PPP1R7: variants seen among roughly 807,000 people sequenced by gnomAD.
The protein encoded by PPP1R7 is protein phosphatase 1 regulatory subunit 22.
Under a neutral mutation model 45.2 loss-of-function variants are expected in PPP1R7, and 18 were observed. The ratio of observed to expected loss-of-function variants is 0.40; its 90% CI spans 0.28 to 0.59. PPP1R7 has a LOEUF of 0.59. Among genes scored for constraint, PPP1R7 ranks in the 20% least tolerant of loss-of-function variants. The pLI is 0.46. For missense variants in PPP1R7, 314 were observed against 455.8 expected (o/e 0.69, Z 2.83); for synonymous variants, 181 against 183.4 (o/e 0.99, Z 0.11).
At chr2:241,155,284 A>G (rs2125481837) in intron 2 of PPP1R7, 1 of 152,324 alleles carries the variant, frequency 6.6e-6, no homozygotes, top group South Asian at 2.1e-4. Context: ...CCAGTGTGGT[A>G]ATGTGTTATA....
chr2:241,173,428 A>G (rs2067853599), intron 9 of PPP1R7, among the ~76,000 whole-genome samples: 1 of 152,156 alleles, frequency 6.6e-6, no homozygotes, highest in Admixed American at 6.5e-5. Flanking sequence ...ATTATTTCTA[A>G]TAAGAAGCCA....
In PPP1R7 at chr2:241,160,489, A is replaced by C; in HGVS notation, c.592A>C (p.Ile198Leu). ...LQMLELGSNR[I>L]RAIENIDTLT... is the part of the protein sequence containing the mutation. ...GATGCTAGAGCTGGGATCTAACCGC[A>C]TCCGGGTAGGTGCAGACAGCCCTGA... Residue 198 changes from isoleucine (I) to leucine (L), a missense_variant, in exon 6 of 10, where the codon ATC becomes CTC. This residue lies in a region of PPP1R7 where 168 missense variants were observed against 285.3 expected (regional missense o/e 0.59). Transcript: ENST00000234038. 3.1e-6 allele frequency: 5 copies of C among 1,602,326 alleles called. No homozygotes were observed. Among genetic ancestry groups the C allele is most frequent in the Non-Finnish European group, 4.3e-6 (5 of 1,175,782 alleles).
chr2:241,168,949 A>G (rs1019581076), intron 8 of PPP1R7, among the ~76,000 whole-genome samples: 3 of 152,234 alleles, frequency 2.0e-5, no homozygotes, highest in African/African-American at 7.2e-5. Flanking sequence ...CTCAGGAGGG[A>G]GCAGAGCGTG....
intron 9 of PPP1R7, among the ~76,000 whole-genome samples, chr2:241,172,145 T>G (rs1270094276): frequency 3.0e-5 from 4 of 135,244 alleles, no homozygotes; most frequent in Non-Finnish European, 6.3e-5. Context: ...TACCTACTTT[T>G]TGGAGTGACT....
At chr2:241,170,255 C>G (rs1234489895) in intron 9 of PPP1R7, among the ~76,000 whole-genome samples, 1 of 152,196 alleles carries the variant, frequency 6.6e-6, no homozygotes, top group Non-Finnish European at 1.5e-5. Flanking sequence ...CAAACCTCAG[C>G]AGAGAGGCAG....
chr2:241,173,243 A>T (rs991142443), intron 9 of PPP1R7, among the ~76,000 whole-genome samples: 1 of 142,174 alleles, frequency 7.0e-6, no homozygotes, highest in Non-Finnish European at 1.5e-5. Flanking sequence ...CTGTAGTCCA[A>T]CTTGGGCAAC....
rs2067512371 is a variant in PPP1R7, at chr2:241,158,537, G to A, written c.291G>A (p.Leu97=). The change falls in exon 4 of 10, where the codon CTG becomes CTA. Residue 97 remains leucine, a synonymous_variant. Coordinates refer to ENST00000234038, the MANE Select transcript of PPP1R7 (RefSeq NM_002712.3). ...RIGKIEGFEV[L]KKVKTLCLRQ... ...GGAAGATTGAAGGATTTGAGGTACTGAAGAAAGTGAAGGTGAGAGGGACTC... is the reference window on the plus strand; with the variant it reads ...GGAAGATTGAAGGATTTGAGGTACTAAAGAAAGTGAAGGTGAGAGGGACTC... 6.2e-7 allele frequency: 1 copy of A among 1,613,568 alleles called. No individual in the cohort carries two copies. The highest frequency in any genetic ancestry group is 8.5e-7 in the Non-Finnish European group (1 of 1,179,512).
At chr2:241,155,604 C>G (rs2125482314) in intron 2 of PPP1R7, among the ~76,000 whole-genome samples, 1 of 152,222 alleles carries the variant, frequency 6.6e-6, no homozygotes, top group South Asian at 2.1e-4. Flanking sequence ...GGCTGGAAAC[C>G]TTGTTTCAGA....
upstream of PPP1R7, chr2:241,149,668 C>G (rs543571805): frequency 1.4e-3 from 2,206 of 1,545,846 alleles, 38 homozygotes; most frequent in African/African-American, 0.027. Context: ...CGCCCCCGGG[C>G]CGGGCAGATG....
chr2:241,158,792 C>G (rs796434913), intron 4 of PPP1R7: 30 of 527,748 alleles, frequency 5.7e-5, no homozygotes, highest in African/African-American at 5.1e-4. Flanking sequence ...ACCTGTGACT[C>G]TGGCCTGCCT....
intron 3 of PPP1R7, 67 bp downstream of exon 3, chr2:241,157,929 G>A: frequency 6.6e-7 from 1 of 1,508,134 alleles, no homozygotes; most frequent in African/African-American, 1.4e-5. Context: ...TATCTTGTAT[G>A]AGATTAGTAA....
At chr2:241,157,321 A>G (rs758638209) in intron 2 of PPP1R7, among the ~76,000 whole-genome samples, 7 of 152,260 alleles carry the variant, frequency 4.6e-5, no homozygotes, top group Non-Finnish European at 4.4e-5. Flanking sequence ...TAAAAGGCCC[A>G]TCCTAGAGCA....
At chr2:241,178,607 C>T in intron 9 of PPP1R7, among the ~76,000 whole-genome samples, 1 of 107,050 alleles carries the variant, frequency 9.3e-6, no homozygotes, top group Non-Finnish European at 1.9e-5. Flanking sequence ...CAGGTGCCCG[C>T]CACCACGCTC....
At chr2:241,150,099 G>A (rs1045694181), upstream of PPP1R7, 1 of 1,263,276 alleles carries the variant, frequency 7.9e-7, no homozygotes, top group Non-Finnish European at 1.0e-6. Flanking sequence ...GGAAAGATCC[G>A]CCTGGCCCGC....
chr2:241,160,227 A>C, intron 5 of PPP1R7, 105 bp from the exon 6 acceptor site: 1 of 628,068 alleles, frequency 1.6e-6, no homozygotes, highest in Non-Finnish European at 2.6e-6. Flanking sequence ...CCCGGTAGTG[A>C]CTGCCGTCCC....
intron 2 of PPP1R7, 36 bp downstream of exon 2, chr2:241,153,640 T>C (rs751356656): frequency 2.5e-6 from 4 of 1,608,388 alleles, no homozygotes; most frequent in East Asian, 2.2e-5. Flanking sequence ...CATCTGCTGG[T>C]TGGGGGATGT....
intron 1 of PPP1R7, among the ~76,000 whole-genome samples, chr2:241,151,730 A>G (rs1360363085): frequency 6.6e-6 from 1 of 152,012 alleles, no homozygotes; most frequent in Non-Finnish European, 1.5e-5. Flanking sequence ...GGCTTTTCTC[A>G]CTGTCCCACT....
chr2:241,157,221 C>T (rs1180537734), intron 2 of PPP1R7, among the ~76,000 whole-genome samples: 2 of 152,154 alleles, frequency 1.3e-5, no homozygotes, highest in Non-Finnish European at 2.9e-5. Context: ...CAGTGAGCTT[C>T]TTTGATCCTA....
chr2:241,157,903 G>A, intron 3 of PPP1R7, 41 bp downstream of exon 3: 1 of 1,575,788 alleles, frequency 6.3e-7, no homozygotes, highest in Non-Finnish European at 8.7e-7. Context: ...CGTGGTGATG[G>A]ACCACCCTGT....
Sources: allele counts gnomAD v4.1 joint callset (sites outside exome capture counted in the v4.1 genomes callset), GRCh38; gene constraint gnomAD v4.1.1; regional missense constraint gnomAD v4.1.1; transcripts MANE v1.5; gene names NCBI Gene and HGNC (gene_info 2026-07-23, HGNC 2026-07-21).